PHEX: variants seen among roughly 807,000 people sequenced by gnomAD.
PHEX encodes phosphate-regulating neutral endopeptidase PHEX.
PHEX carries 16 observed loss-of-function variants against 68.0 expected under a neutral mutation model. The observed-to-expected ratio is 0.24, with a 90% CI of 0.16 to 0.36. PHEX has a LOEUF of 0.36. Among genes scored for constraint, PHEX ranks in the 10% least tolerant of loss-of-function variants. PHEX has a pLI of 1.00. For missense variants in PHEX, 480 were observed against 575.5 expected (o/e 0.83, Z 1.70); for synonymous variants, 208 against 205.1 (o/e 1.01, Z -0.12).
intron 2 of PHEX, among the ~76,000 whole-genome samples, chrX:22,042,615 T>C (rs1036717960): frequency 2.7e-5 from 3 of 112,009 alleles, no homozygotes; most frequent in Non-Finnish European, 5.6e-5. Flanking sequence ...TGAAACTCCA[T>C]GTCTACTAAA....
chrX:22,168,606 G>C (rs1281716605), intron 13 of PHEX, among the ~76,000 whole-genome samples: 1 of 111,994 alleles, frequency 8.9e-6, no homozygotes, highest in Non-Finnish European at 1.9e-5. Flanking sequence ...ATGCGTAGCT[G>C]AGTGGGTACC....
chrX:22,127,717 T>C (rs1277965440), intron 11 of PHEX, among the ~76,000 whole-genome samples: 2 of 105,861 alleles, frequency 1.9e-5, no homozygotes, highest in Non-Finnish European at 3.9e-5. Context: ...AAAAAAAAAA[T>C]TGAGAACCTG....
chrX:22,042,202 A>G (rs2146983445), intron 2 of PHEX, among the ~76,000 whole-genome samples: 1 of 111,782 alleles, frequency 8.9e-6, no homozygotes, highest in African/African-American at 3.2e-5. Flanking sequence ...GCAGGTGCCA[A>G]CCACTTCTGA....
chrX:22,168,392 A>G lies in PHEX; in HGVS notation c.1482+3A>G. The G allele has an allele frequency of 5.3e-6, 6 of 1,138,433 alleles. No homozygotes were observed. Among genetic ancestry groups the G allele is most frequent in the Non-Finnish European group, 7.2e-6 (6 of 828,714 alleles). The allele number at this position is 1,138,433 out of a possible 1,213,427, so 93.8% of individuals were successfully genotyped here. A position where few individuals can be genotyped will look rare whatever the true frequency, so the allele number is the denominator to read the frequency against. ...ATGTTAATGAAGACCTCAAAGCTGT[A>G]AGTGCTAAATTTACTGTACTTTTTT... is the stretch of plus-strand genomic sequence containing the variant. On this transcript the variant is annotated splice_donor_region_variant and intron_variant, in intron 13 of 21. Coordinates refer to ENST00000379374, the MANE Select transcript of PHEX (RefSeq NM_000444.6).
chrX:22,151,699 T>C (rs1174698889), intron 12 of PHEX, among the ~76,000 whole-genome samples: 1 of 112,100 alleles, frequency 8.9e-6, no homozygotes, highest in Non-Finnish European at 1.9e-5. Flanking sequence ...GCAAAATAAA[T>C]GTTCTGACGT....
intron 20 of PHEX, among the ~76,000 whole-genome samples, chrX:22,239,689 G>GA (rs1325493241): frequency 3.6e-5 from 4 of 111,000 alleles, no homozygotes; most frequent in Non-Finnish European, 7.5e-5. Flanking sequence ...CAAGATTAGA[G>GA]AAAAAAGAGT....
intron 14 of PHEX, among the ~76,000 whole-genome samples, chrX:22,184,491 A>T (rs937058842): frequency 8.9e-6 from 1 of 111,873 alleles, no homozygotes; most frequent in African/African-American, 3.2e-5. Flanking sequence ...AAGACCCTTT[A>T]TCTTTTATTC....
At chrX:22,202,495 T>G (rs1458866150) in intron 15 of PHEX, among the ~76,000 whole-genome samples, 1 of 112,093 alleles carries the variant, frequency 8.9e-6, no homozygotes, top group Non-Finnish European at 1.9e-5. Context: ...GTATTTCCAG[T>G]AACAACAAAT....
chrX:22,188,983 A>T (rs1429639440), intron 14 of PHEX, among the ~76,000 whole-genome samples: 1 of 112,362 alleles, frequency 8.9e-6, no homozygotes, highest in Non-Finnish European at 1.9e-5. Context: ...TTTGGTTTTT[A>T]GATCCCACAA....
chrX:22,237,958 T>C (rs1936040647), intron 20 of PHEX, among the ~76,000 whole-genome samples: 1 of 112,451 alleles, frequency 8.9e-6, no homozygotes, highest in Non-Finnish European at 1.9e-5. Context: ...CCAACATGAG[T>C]CAGCAGTGGG....
At chrX:22,092,819 G>T (rs1340669787) in intron 6 of PHEX, among the ~76,000 whole-genome samples, 2 of 91,624 alleles carry the variant, frequency 2.2e-5, no homozygotes, top group African/African-American at 8.9e-5. Flanking sequence ...GCATAATCTC[G>T]GCTCACTGCA....
At chrX:22,076,074 TTC>T (rs1232167306) in intron 3 of PHEX, among the ~76,000 whole-genome samples, 1 of 112,498 alleles carries the variant, frequency 8.9e-6, no homozygotes, top group Admixed American at 9.4e-5. Context: ...AATAAATGAA[TTC>T]TGTTTCCTTT....
chrX:22,097,776 GT>G (rs967244155), intron 8 of PHEX: 117 of 648,137 alleles, frequency 1.8e-4, no homozygotes, highest in Non-Finnish European at 2.0e-4. Flanking sequence ...GTTTTTATTT[GT>G]TTTTTTTTGA....
chrX:22,173,331 C>A (rs748645330), intron 13 of PHEX, among the ~76,000 whole-genome samples: 117 of 109,630 alleles, frequency 1.1e-3, no homozygotes, highest in African/African-American at 3.6e-3. Flanking sequence ...CTGGTCAGAG[C>A]AGACCAAGAC....
chrX:22,053,175 A>G lies in PHEX; in HGVS notation c.349+5964A>G, dbSNP rs951427606. 3.6e-5 allele frequency among the ~76,000 whole-genome samples: 4 copies of G among 112,174 alleles called. 1 individual carries two copies. Among genetic ancestry groups the G allele is most frequent in the African/African-American group, 1.3e-4 (4 of 30,913 alleles). On this transcript the variant is annotated intron_variant, in intron 3 of 21. Transcript: ENST00000379374. ...ATGCTTTAAGTTTTATTCTGGTATT[A>G]TCCTTTGTGTAAATATCATGTGCTT...
intron 15 of PHEX, among the ~76,000 whole-genome samples, chrX:22,211,867 AG>A (rs1166393021): frequency 7.1e-5 from 8 of 111,964 alleles, no homozygotes; most frequent in Non-Finnish European, 1.3e-4. Flanking sequence ...GAGCTTGTAC[AG>A]GGGAACTCCC....
At position 22,205,670 on chromosome X, in the gene PHEX, C is replaced by A. The variant is rs189269344; in HGVS notation, c.1646-7234C>A. Among the ~76,000 whole-genome samples, 661 of 97,635 alleles carry A rather than the reference C, an allele frequency of 6.8e-3. 8 individuals carry two copies. The highest frequency in any genetic ancestry group is 0.024 in the African/African-American group (606 of 25,368). The allele number at this position is 97,635 out of a possible 115,157, so 84.8% of individuals were successfully genotyped here. A position where few individuals can be genotyped will look rare whatever the true frequency, so the allele number is the denominator to read the frequency against. On this transcript the variant is annotated intron_variant, in intron 15 of 21. Transcript: ENST00000379374. ...ATATTAAATTATTAATTTATTAATA[C>A]TTTATTAATATTAAATTATTATTAT...
intron 15 of PHEX, among the ~76,000 whole-genome samples, chrX:22,204,781 G>A (rs1384653947): frequency 8.9e-6 from 1 of 111,746 alleles, no homozygotes; most frequent in Non-Finnish European, 1.9e-5. Flanking sequence ...AATCAAAGAA[G>A]TTAGCAGAAG....
At chrX:22,122,860 T>G (rs1052031301) in intron 11 of PHEX, among the ~76,000 whole-genome samples, 1 of 110,643 alleles carries the variant, frequency 9.0e-6, no homozygotes, top group African/African-American at 3.3e-5. Context: ...AGCAAGCAAG[T>G]AGAAACATGT....
Sources: gnomAD v4.1 joint callset for allele counts (sites outside exome capture counted in the v4.1 genomes callset) on GRCh38, gnomAD v4.1.1 for gene constraint, MANE v1.5 for transcripts, NCBI Gene and HGNC (gene_info 2026-07-23, HGNC 2026-07-21) for gene names.